ERBB4: variants seen among roughly 807,000 people sequenced by gnomAD.
The protein encoded by ERBB4 is erb-b2 receptor tyrosine kinase 4, also known as receptor tyrosine-protein kinase erbB-4.
Under a neutral mutation model 158.0 loss-of-function variants are expected in ERBB4, and 42 were observed. The observed-to-expected ratio is 0.27, with a 90% CI of 0.21 to 0.34. The LOEUF (loss-of-function observed/expected upper bound fraction) is 0.34. Among genes scored for constraint, ERBB4 ranks in the 10% least tolerant of loss-of-function variants. The pLI is 1.00. For synonymous variants in ERBB4, 583 were observed against 558.7 expected (o/e 1.04, Z -0.61); for missense variants, 1,333 against 1,624.1 (o/e 0.82, Z 3.08).
intron 20 of ERBB4, among the ~76,000 whole-genome samples, chr2:211,480,556 T>C (rs2065057624): frequency 6.6e-6 from 1 of 152,130 alleles, no homozygotes; most frequent in Non-Finnish European, 1.5e-5. Context: ...ATATGCTGCC[T>C]GTACAAGCCA....
intron 22 of ERBB4, among the ~76,000 whole-genome samples, chr2:211,425,079 A>ATT (rs1339737799): frequency 1.3e-5 from 2 of 152,154 alleles, no homozygotes; most frequent in African/African-American, 4.8e-5. Context: ...TATATACACT[A>ATT]AATATCTTTT....
intron 1 of ERBB4, among the ~76,000 whole-genome samples, chr2:212,167,525 A>G (rs4527160): frequency 0.61 from 92,968 of 152,040 alleles, 29,434 homozygotes; most frequent in African/African-American, 0.68. Context: ...TATGGAAGAC[A>G]GTATGGCTAT....
chr2:211,729,485 C>CAGT (rs2074366229), intron 5 of ERBB4, among the ~76,000 whole-genome samples: 1 of 151,442 alleles, frequency 6.6e-6, no homozygotes, highest in South Asian at 2.1e-4. Context: ...AACTGCTAAA[C>CAGT]AGTAATGGGG....
intron 16 of ERBB4, among the ~76,000 whole-genome samples, chr2:211,641,691 A>G (rs2125895126): frequency 6.6e-6 from 1 of 152,236 alleles, no homozygotes; most frequent in Admixed American, 6.5e-5. Context: ...AAGAAACCTT[A>G]TGTTCCAGAT....
intron 12 of ERBB4, among the ~76,000 whole-genome samples, chr2:211,700,980 T>C (rs1157412693): frequency 6.6e-6 from 1 of 151,998 alleles, no homozygotes; most frequent in Non-Finnish European, 1.5e-5. Flanking sequence ...TAGGAAAGAG[T>C]AGTATTCAGT....
At position 212,272,817 on chromosome 2, in the gene ERBB4, A is replaced by G. The variant is rs539792806; in HGVS notation, c.83-147914T>C. On this transcript the variant is annotated intron_variant, in intron 1 of 27. Coordinates refer to ENST00000342788, the MANE Select transcript of ERBB4 (RefSeq NM_005235.3). ...TTTTCTATTTCTGTATATGAAATTA[A>G]GAAAAAAATCAATTGAACTTAGATT... 2.0e-5 allele frequency among the ~76,000 whole-genome samples: 3 copies of G among 151,920 alleles called. No individual in the cohort carries two copies. In the South Asian group the frequency reaches 6.2e-4, roughly 32 times the overall value.
intron 7 of ERBB4, among the ~76,000 whole-genome samples, chr2:211,717,118 A>T (rs2073944105): frequency 6.6e-6 from 1 of 152,184 alleles, no homozygotes; most frequent in Non-Finnish European, 1.5e-5. Context: ...GAAAGCACCA[A>T]AAAAACTCCA....
rs192454032 is a variant in ERBB4 at position 212,314,368 on chromosome 2, G to C, written c.83-189465C>G. 7.0e-4 allele frequency among the ~76,000 whole-genome samples: 104 copies of C among 149,212 alleles called. 1 individual carries two copies. The highest frequency in any genetic ancestry group is 2.4e-3 in the African/African-American group (98 of 40,548). On this transcript the variant is annotated intron_variant, in intron 1 of 27. Transcript: ENST00000342788. The stretch of plus-strand genomic sequence containing the variant: ...CTGATGATTCAAACTATCACCTCTG[G>C]TGAGTTAACAGCATCCCAAAGTGGA...
chr2:212,293,327 C>A (rs1344088437), intron 1 of ERBB4, among the ~76,000 whole-genome samples: 1 of 151,826 alleles, frequency 6.6e-6, no homozygotes, highest in Non-Finnish European at 1.5e-5. Context: ...AAAATCTCAT[C>A]TCACAATTTA....
intron 20 of ERBB4, among the ~76,000 whole-genome samples, chr2:211,515,912 A>ATATATATT (rs35696520): frequency 4.7e-4 from 37 of 78,982 alleles, no homozygotes; most frequent in African/African-American, 2.0e-3. Context: ...ATATATATAT[A>ATATATATT]TTTTTTTTTT....
intron 2 of ERBB4, among the ~76,000 whole-genome samples, chr2:212,074,335 A>G (rs56281310): frequency 0.015 from 2,303 of 152,086 alleles, 77 homozygotes; most frequent in African/African-American, 0.053. Flanking sequence ...ACTAAACATA[A>G]AATAAAGATG....
In ERBB4 at chr2:211,562,077, G is replaced by C. The variant is rs1459469442; in HGVS notation, c.2313C>G (p.Ile771Met). ...ANVEFMDEAL[I>M]MASMDHPHLV... is the part of the protein sequence containing the mutation. ...GGTGTGGATGATCCATACTTGCCAT[G>C]ATCAGAGCTTCCTGTAAGAAAAAAA... The change falls in exon 20 of 28, where the codon ATC becomes ATG. Residue 771 changes from isoleucine (I) to methionine (M), a missense_variant. Coordinates refer to ENST00000342788, the MANE Select transcript of ERBB4 (RefSeq NM_005235.3). The C allele has an allele frequency of 1.2e-6, 2 of 1,613,272 alleles. No homozygotes were observed. The highest frequency in any genetic ancestry group is 1.3e-5 in the African/African-American group (1 of 74,916).
At chr2:211,576,512 T>G (rs1170736593) in intron 19 of ERBB4, among the ~76,000 whole-genome samples, 3 of 152,184 alleles carry the variant, frequency 2.0e-5, no homozygotes, top group Non-Finnish European at 4.4e-5. Context: ...GTTATTTTGT[T>G]GTATGTTACC....
chr2:211,963,684 ATTT>A (rs2081242748), intron 2 of ERBB4, among the ~76,000 whole-genome samples: 2 of 151,640 alleles, frequency 1.3e-5, no homozygotes, highest in South Asian at 4.2e-4. Flanking sequence ...CAGTAGCAAA[ATTT>A]TCTATGTTGA....
At chr2:212,147,841 A>T (rs956226188) in intron 1 of ERBB4, among the ~76,000 whole-genome samples, 1 of 152,030 alleles carries the variant, frequency 6.6e-6, no homozygotes, top group African/African-American at 2.4e-5. Flanking sequence ...GGTAACATAA[A>T]GTTTCTTCAT....
intron 12 of ERBB4, among the ~76,000 whole-genome samples, chr2:211,680,837 C>G (rs10173683): frequency 0.58 from 87,518 of 152,030 alleles, 26,425 homozygotes; most frequent in Non-Finnish European, 0.62. Context: ...GTGTGTGTAT[C>G]TGTGTCTGTG....
rs143407924 is a variant in ERBB4 at position 212,091,030 on chromosome 2, A to G, written c.234+33722T>C. Among the ~76,000 whole-genome samples the G allele has an allele frequency of 5.5e-3, 841 of 152,260 alleles. 10 individuals carry two copies. Among genetic ancestry groups the G allele is most frequent in the African/African-American group, 0.019 (801 of 41,560 alleles). ...TTAATTTGACTTTAAAAACCATTAC[A>G]TATTCCCAGCAGGAGTTCATAACTG... is the stretch of plus-strand genomic sequence containing the variant. On this transcript the variant is annotated intron_variant, in intron 2 of 27. Transcript: ENST00000342788.
intron 1 of ERBB4, among the ~76,000 whole-genome samples, chr2:212,172,683 T>C (rs574486960): frequency 1.2e-4 from 19 of 152,134 alleles, no homozygotes; most frequent in African/African-American, 4.3e-4. Flanking sequence ...ATACAGGAAC[T>C]GAAAACAAAA....
chr2:211,525,054 C>T (rs2066308728), intron 20 of ERBB4, among the ~76,000 whole-genome samples: 1 of 152,158 alleles, frequency 6.6e-6, no homozygotes, highest in South Asian at 2.1e-4. Flanking sequence ...AAGTTGCATT[C>T]CAGCAAGCCT....
Sources: gnomAD v4.1 joint callset for allele counts (sites outside exome capture counted in the v4.1 genomes callset) on GRCh38, gnomAD v4.1.1 for gene constraint, MANE v1.5 for transcripts, NCBI Gene and HGNC (gene_info 2026-07-23, HGNC 2026-07-21) for gene names.